Variants in HNRNPUL1 observed in about 807,000 individuals in gnomAD.
HNRNPUL1 encodes heterogeneous nuclear ribonucleoprotein U like 1, also known as heterogeneous nuclear ribonucleoprotein U-like protein 1.
In HNRNPUL1, 14 loss-of-function variants were observed where a neutral mutation model predicts 108.5. The observed-to-expected ratio is 0.13, with a 90% CI of 0.09 to 0.20. The LOEUF is 0.20. HNRNPUL1 is among the 10% of genes least tolerant of loss of function. HNRNPUL1 has a pLI of 1.00. For missense variants in HNRNPUL1, 804 were observed against 1,168.3 expected (o/e 0.69, Z 4.55); for synonymous variants, 422 against 445.2 (o/e 0.95, Z 0.66).
chr19:41,263,486 AC>A (rs1157855321), upstream of HNRNPUL1, among the ~76,000 whole-genome samples: 4 of 152,078 alleles, frequency 2.6e-5, no homozygotes, highest in Non-Finnish European at 5.9e-5. Flanking sequence ...CACGTCAGGT[AC>A]CCGACCATAG....
At chr19:41,290,004 TC>T (rs1751598400) in intron 7 of HNRNPUL1, among the ~76,000 whole-genome samples, 1 of 151,696 alleles carries the variant, frequency 6.6e-6, no homozygotes, top group Non-Finnish European at 1.5e-5. Flanking sequence ...AACCACCACA[TC>T]CAGCCGCTCT....
chr19:41,286,186 T>TA lies in HNRNPUL1; in HGVS notation c.999+4911_999+4912insA, dbSNP rs199525945. Among the ~76,000 whole-genome samples, 122 of 149,436 alleles carry TA rather than the reference T, an allele frequency of 8.2e-4. 1 individual carries two copies. The highest frequency in any genetic ancestry group is 6.9e-3 in the Middle Eastern group (2 of 288). On this transcript the variant is annotated intron_variant, in intron 7 of 14. Coordinates refer to ENST00000392006, the MANE Select transcript of HNRNPUL1 (RefSeq NM_007040.6). ...TCATATGACATACCTAACTTTTCCTTTTTTTTTTTTTCAGTATTTCTAGTC... is the reference window on the plus strand; with the variant it reads ...TCATATGACATACCTAACTTTTCCTTATTTTTTTTTTTCAGTATTTCTAGTC...
In HNRNPUL1 at chr19:41,302,661, C is replaced by G. The variant is rs908282931; in HGVS notation, c.1688-4C>G. 3.1e-6 allele frequency: 5 copies of G among 1,614,068 alleles called. No homozygotes were observed. The African/African-American group carries it at 6.7e-5, about 22-fold the overall frequency. ...TTCTCTTTGGGGCACTTCCTTCCTCCTAGCCAACTTCACGTTGCCAGATGT... is the reference window on the plus strand; with the variant it reads ...TTCTCTTTGGGGCACTTCCTTCCTCGTAGCCAACTTCACGTTGCCAGATGT... On this transcript the variant is annotated splice_region_variant and splice_polypyrimidine_tract_variant and intron_variant, in intron 11 of 14. Coordinates refer to ENST00000392006, the MANE Select transcript of HNRNPUL1 (RefSeq NM_007040.6).
intron 7 of HNRNPUL1, chr19:41,286,280 A>T (rs1020888003): frequency 1.3e-5 from 2 of 152,128 alleles, no homozygotes; most frequent in Admixed American, 6.5e-5. Context: ...TTGAATGAAA[A>T]AAGTACACAT....
At chr19:41,282,692 C>CTT (rs57909999) in intron 7 of HNRNPUL1, among the ~76,000 whole-genome samples, 24 of 141,442 alleles carry the variant, frequency 1.7e-4, no homozygotes, top group African/African-American at 4.6e-4. Flanking sequence ...TTCTTTTTTT[C>CTT]TTTTTTTTTT....
At chr19:41,305,592 A>G in intron 13 of HNRNPUL1, 84 bp from the exon 14 acceptor site, 1 of 1,554,368 alleles carries the variant, frequency 6.4e-7, no homozygotes, top group East Asian at 2.2e-5. Flanking sequence ...CCACTTAAAA[A>G]GGCCCTTTTT....
At chr19:41,265,131 T>G in intron 1 of HNRNPUL1, 4 of 1,401,502 alleles carry the variant, frequency 2.9e-6, no homozygotes, top group East Asian at 2.9e-5. Flanking sequence ...GGTTTTCCGT[T>G]TGGGTTGGGG....
At position 41,304,214 on chromosome 19, in the gene HNRNPUL1, A is replaced by G. The variant is rs1457030852; in HGVS notation, c.2215A>G (p.Ser739Gly). 1.2e-6 allele frequency: 2 copies of G among 1,613,714 alleles called. No individual in the cohort carries two copies. The highest frequency in any genetic ancestry group is 3.3e-5 in the Admixed American group (2 of 59,990). The change falls in exon 13 of 15, where the codon AGC becomes GGC. Residue 739 changes from serine to glycine, a missense_variant. Coordinates refer to ENST00000392006, the MANE Select transcript of HNRNPUL1 (RefSeq NM_007040.6). ...TAAGAACAGCAACATCCCTGGCTCA[A>G]GCGCCAATACCAGCACCCCCACCGT... Reference protein sequence around the residue: ...YNKNSNIPGSSANTSTPTVSS... With the variant: ...YNKNSNIPGSGANTSTPTVSS...
chr19:41,299,854 A>G (rs1352075466), intron 10 of HNRNPUL1, among the ~76,000 whole-genome samples: 1 of 152,090 alleles, frequency 6.6e-6, no homozygotes, highest in Non-Finnish European at 1.5e-5. Flanking sequence ...TCAAGTCAAC[A>G]TGACAGTATA....
chr19:41,305,516 T>C, intron 13 of HNRNPUL1, 160 bp from the exon 14 acceptor site: 1 of 851,862 alleles, frequency 1.2e-6, no homozygotes, highest in Non-Finnish European at 1.9e-6. Flanking sequence ...GGCATGGAGC[T>C]GGCTCTCCTC....
chr19:41,282,341 C>A (rs1055664455), intron 7 of HNRNPUL1, among the ~76,000 whole-genome samples: 9 of 152,118 alleles, frequency 5.9e-5, no homozygotes, highest in Non-Finnish European at 1.0e-4. Context: ...CACCACTACA[C>A]CCAACTAATT....
intron 11 of HNRNPUL1, 149 bp from the exon 12 acceptor site, chr19:41,302,516 C>T: frequency 9.6e-7 from 1 of 1,045,176 alleles, no homozygotes; most frequent in East Asian, 2.4e-5. Flanking sequence ...ACCGCGCCCG[C>T]CCTTCTGTCT....
At chr19:41,290,389 A>C (rs1340225930) in intron 7 of HNRNPUL1, among the ~76,000 whole-genome samples, 1 of 152,230 alleles carries the variant, frequency 6.6e-6, no homozygotes, top group Admixed American at 6.5e-5. Flanking sequence ...CAATGTTTCC[A>C]AAACACAGTT....
intron 7 of HNRNPUL1, among the ~76,000 whole-genome samples, chr19:41,290,492 C>T (rs2036520046): frequency 6.6e-6 from 1 of 152,172 alleles, no homozygotes; most frequent in African/African-American, 2.4e-5. Context: ...TAGAGTCCCT[C>T]ACATGCCGAG....
chr19:41,289,113 G>A (rs761992535), intron 7 of HNRNPUL1, among the ~76,000 whole-genome samples: 20 of 152,084 alleles, frequency 1.3e-4, no homozygotes, highest in Non-Finnish European at 2.5e-4. Flanking sequence ...TTCTTTCAGA[G>A]TATGAGGTTC....
rs2036766350 is a variant in HNRNPUL1, at chr19:41,294,391, A to T, written c.1320A>T (p.Lys440Asn). The T allele has an allele frequency of 6.2e-7, 1 of 1,614,032 alleles. No individual in the cohort carries two copies. The highest frequency in any genetic ancestry group is 1.3e-5 in the African/African-American group (1 of 74,920). ...CTGGCAAGACCACATGGGCCATCAA[A>T]CATGCAGCCTCCAACCCTTCCAAGA... Reference protein sequence around the residue: ...PAAGKTTWAIKHAASNPSKKY... With the variant: ...PAAGKTTWAINHAASNPSKKY... The change falls in exon 9 of 15, where the codon AAA (lysine) becomes AAT (asparagine). Residue 440 changes from lysine to asparagine, a missense_variant. By Grantham distance (94) the Lys-to-Asn change is moderately conservative. Transcript: ENST00000392006. This position sits in a 1 kb window ranked among gnomAD's most constrained non-coding sequence, Gnocchi z 4.3.
chr19:41,300,690 G>A (rs2037156120), intron 10 of HNRNPUL1, among the ~76,000 whole-genome samples: 1 of 152,176 alleles, frequency 6.6e-6, no homozygotes, highest in East Asian at 1.9e-4. Flanking sequence ...AGCCGATGTT[G>A]TTACTGCTCT....
chr19:41,262,662 GTTATC>G (rs2034578413), upstream of HNRNPUL1: 1 of 152,328 alleles, frequency 6.6e-6, no homozygotes, highest in Non-Finnish European at 1.5e-5. Flanking sequence ...ACTATCCTGT[GTTATC>G]TTTATTATTC....
At chr19:41,283,213 C>G (rs1301542349) in intron 7 of HNRNPUL1, among the ~76,000 whole-genome samples, 1 of 152,214 alleles carries the variant, frequency 6.6e-6, no homozygotes. Flanking sequence ...TGCACACAGA[C>G]TCTACATGGT....
Sources: gnomAD v4.1 joint callset for allele counts (sites outside exome capture counted in the v4.1 genomes callset) on GRCh38, gnomAD v4.1.1 for gene constraint, Gnocchi (gnomAD v3.1) non-coding constraint, MANE v1.5 for transcripts, NCBI Gene and HGNC (gene_info 2026-07-23, HGNC 2026-07-21) for gene names.